GRID2: variants seen among roughly 807,000 people sequenced by gnomAD.
GRID2 encodes the protein glutamate receptor ionotropic, delta-2.
In GRID2, 33 loss-of-function variants were observed where a neutral mutation model predicts 114.8. The ratio of observed to expected loss-of-function variants is 0.29; its 90% CI spans 0.22 to 0.38. The LOEUF (loss-of-function observed/expected upper bound fraction) is 0.38, where lower values mean the gene tolerates loss of function less well. GRID2 is among the 10% of genes least tolerant of loss of function. GRID2 has a pLI of 1.00. For synonymous variants in GRID2, 505 were observed against 449.9 expected, an observed-to-expected ratio of 1.12 and a Z score of -1.55; for missense variants, 1,184 against 1,257.7, an observed-to-expected ratio of 0.94 and a Z score of 0.89.
At chr4:93,039,337 AG>A (rs1379999325) in intron 2 of GRID2, among the ~76,000 whole-genome samples, 1 of 151,726 alleles carries the variant, frequency 6.6e-6, no homozygotes, top group Admixed American at 6.6e-5. Context: ...TGGCTAGGGG[AG>A]GGATAGCATT....
intron 13 of GRID2, among the ~76,000 whole-genome samples, chr4:93,569,900 A>G (rs963347102): frequency 1.3e-5 from 2 of 152,160 alleles, no homozygotes; most frequent in African/African-American, 4.8e-5. Context: ...AACACTTTCC[A>G]TCATAAATTA....
intron 2 of GRID2, among the ~76,000 whole-genome samples, chr4:92,855,440 T>C (rs1744107238): frequency 6.6e-6 from 1 of 152,178 alleles, no homozygotes; most frequent in South Asian, 2.1e-4. Context: ...TACTAATAGA[T>C]TCAATCACTT....
At chr4:93,785,618 A>C (rs1317091552) in intron 1 of GRID2, among the ~76,000 whole-genome samples, 1 of 152,246 alleles carries the variant, frequency 6.6e-6, no homozygotes, top group Non-Finnish European at 1.5e-5. Flanking sequence ...TAAAGAATTT[A>C]ATACAAATTC....
chr4:93,310,657 CT>C (rs1755916635), intron 8 of GRID2, among the ~76,000 whole-genome samples: 1 of 152,108 alleles, frequency 6.6e-6, no homozygotes, highest in Non-Finnish European at 1.5e-5. Flanking sequence ...AAAGAACAAC[CT>C]GTTAATAAAG....
intron 2 of GRID2, among the ~76,000 whole-genome samples, chr4:92,656,630 C>A (rs533097734): frequency 6.6e-6 from 1 of 151,832 alleles, no homozygotes; most frequent in African/African-American, 2.4e-5. Flanking sequence ...GAAAGTAGTT[C>A]TAATACCACA....
At chr4:92,432,741 G>T (rs1437517121) in intron 1 of GRID2, among the ~76,000 whole-genome samples, 1 of 152,108 alleles carries the variant, frequency 6.6e-6, no homozygotes, top group East Asian at 1.9e-4. Context: ...CTACACAACT[G>T]TGGCTGAGCT....
intron 8 of GRID2, among the ~76,000 whole-genome samples, chr4:93,386,249 TGA>T (rs1214056194): frequency 1.3e-5 from 2 of 152,170 alleles, no homozygotes. Context: ...ATTTGTTAGC[TGA>T]GTAGCCTGGA....
In GRID2 at chr4:92,797,754, C is replaced by A. The variant is rs137947713; in HGVS notation, c.244+207468C>A. ...TTTTTTTCAAATTGTCACAAATCTA[C>A]AAAATATTTTTCAATGTATTTATTG... On this transcript the variant is annotated intron_variant, in intron 2 of 15. Coordinates refer to ENST00000282020, the MANE Select transcript of GRID2 (RefSeq NM_001510.4). Among the ~76,000 whole-genome samples the A allele has an allele frequency of 2.5e-4, 38 of 151,878 alleles. No individual in the cohort carries two copies. The East Asian group carries it at 7.2e-3, about 29-fold the overall frequency.
intron 2 of GRID2, among the ~76,000 whole-genome samples, chr4:93,016,523 C>T (rs113037501): frequency 8.7e-4 from 132 of 152,280 alleles, no homozygotes; most frequent in Non-Finnish European, 1.2e-3. Flanking sequence ...ATGTACTTTA[C>T]TCCATGCACT....
intron 1 of GRID2, among the ~76,000 whole-genome samples, chr4:92,463,714 T>G (rs1721606205): frequency 6.6e-6 from 1 of 151,966 alleles, no homozygotes; most frequent in African/African-American, 2.4e-5. Flanking sequence ...TTTTTTTGTG[T>G]AGAGAATCTT....
chr4:93,171,150 G>A (rs757609284), intron 4 of GRID2, among the ~76,000 whole-genome samples: 1 of 152,164 alleles, frequency 6.6e-6, no homozygotes, highest in Non-Finnish European at 1.5e-5. Flanking sequence ...ACATGGTTCT[G>A]TATTACCTAC....
intron 1 of GRID2, among the ~76,000 whole-genome samples, chr4:92,476,483 A>C (rs1722319830): frequency 6.6e-6 from 1 of 152,130 alleles, no homozygotes; most frequent in Admixed American, 6.5e-5. Context: ...ACTTTTGTAA[A>C]CCCATACAGA....
At chr4:93,452,619 C>T (rs568823132) in intron 10 of GRID2, among the ~76,000 whole-genome samples, 1 of 151,994 alleles carries the variant, frequency 6.6e-6, no homozygotes, top group South Asian at 2.1e-4. Flanking sequence ...ATTGTGGAAG[C>T]AGATAAATAG....
intron 3 of GRID2, among the ~76,000 whole-genome samples, chr4:93,087,155 C>T (rs987554443): frequency 2.0e-5 from 3 of 151,824 alleles, no homozygotes; most frequent in Non-Finnish European, 4.4e-5. Flanking sequence ...CTGCCTCAGC[C>T]TCCCAAGTAG....
At chr4:92,631,222 C>A (rs62307958) in intron 2 of GRID2, among the ~76,000 whole-genome samples, 8,464 of 151,966 alleles carry the variant, frequency 0.056, 304 homozygotes, top group East Asian at 0.16. Context: ...GATCAGTGTC[C>A]ATACAACACC....
At chr4:93,185,422 T>C (rs1740308968) in intron 4 of GRID2, among the ~76,000 whole-genome samples, 1 of 152,184 alleles carries the variant, frequency 6.6e-6, no homozygotes, top group Non-Finnish European at 1.5e-5. Context: ...GTATGGGATA[T>C]CACAGTTTTA....
intron 14 of GRID2, among the ~76,000 whole-genome samples, chr4:93,692,364 A>T (rs928934940): frequency 1.3e-5 from 2 of 152,274 alleles, no homozygotes; most frequent in African/African-American, 4.8e-5. Flanking sequence ...TGAGGTGGGG[A>T]CATGCCTGGA....
At chr4:92,487,695 C>A (rs1263379610) in intron 1 of GRID2, among the ~76,000 whole-genome samples, 1 of 152,016 alleles carries the variant, frequency 6.6e-6, no homozygotes, top group Non-Finnish European at 1.5e-5. Flanking sequence ...TCTTTCAGTT[C>A]CAACAATTTA....
chr4:92,350,026 A>G (rs1434466084), intron 1 of GRID2, among the ~76,000 whole-genome samples: 1 of 151,928 alleles, frequency 6.6e-6, no homozygotes, highest in African/African-American at 2.4e-5. Flanking sequence ...TAACCATTAC[A>G]TATTACAATC....
Sources: gnomAD v4.1 joint callset for allele counts (sites outside exome capture counted in the v4.1 genomes callset) on GRCh38, gnomAD v4.1.1 for gene constraint, MANE v1.5 for transcripts, NCBI Gene and HGNC (gene_info 2026-07-23, HGNC 2026-07-21) for gene names.